ARPC2: variants seen among roughly 807,000 people sequenced by gnomAD.
ARPC2 encodes the protein actin-related protein 2/3 complex subunit 2.
Under a neutral mutation model 38.6 loss-of-function variants are expected in ARPC2, and 4 were observed. The ratio of observed to expected loss-of-function variants is 0.10; its 90% CI spans 0.05 to 0.24. ARPC2 has a LOEUF of 0.24. Ranked by LOEUF, ARPC2 falls within the 10% of genes least tolerant of loss-of-function variation. The pLI, the probability that ARPC2 is intolerant of heterozygous loss-of-function variation, is 1.00. For missense variants in ARPC2, 229 were observed against 387.3 expected (o/e 0.59, Z 3.43); for synonymous variants, 125 against 140.8 (o/e 0.89, Z 0.79).
At chr2:218,231,479 A>G (rs1025925385) in intron 4 of ARPC2, among the ~76,000 whole-genome samples, 3 of 152,208 alleles carry the variant, frequency 2.0e-5, no homozygotes, top group African/African-American at 4.8e-5. Flanking sequence ...CGAAATACCA[A>G]TAGTACGTGC....
intron 4 of ARPC2, among the ~76,000 whole-genome samples, chr2:218,232,420 T>A (rs1689656608): frequency 6.6e-6 from 1 of 152,170 alleles, no homozygotes; most frequent in Non-Finnish European, 1.5e-5. Context: ...AGAAAATATG[T>A]TATTTGACTC....
intron 3 of ARPC2, among the ~76,000 whole-genome samples, 198 bp downstream of exon 3, chr2:218,226,152 G>A (rs571066340): frequency 1.9e-3 from 291 of 152,186 alleles, no homozygotes; most frequent in African/African-American, 6.8e-3. Context: ...AATTAGCCGG[G>A]CATGGTGGTG....
At chr2:218,249,688 C>T (rs1416429109) in intron 9 of ARPC2, 133 bp from the exon 10 acceptor site, 8 of 896,142 alleles carry the variant, frequency 8.9e-6, no homozygotes, top group African/African-American at 6.8e-5. Context: ...CACCTTCCTG[C>T]TTCCCTGCAG....
intron 2 of ARPC2, among the ~76,000 whole-genome samples, chr2:218,223,781 A>G (rs576452440): frequency 3.3e-5 from 5 of 152,330 alleles, no homozygotes; most frequent in African/African-American, 1.2e-4. Flanking sequence ...AGCTGGTAGA[A>G]CAGTAAATAA....
At position 218,217,205 on chromosome 2, in the gene ARPC2, T is replaced by TGGCGGCGGCGGCGGC. The variant is rs894642575; in HGVS notation, c.-54_-40dup. 1 of 426,662 alleles carries TGGCGGCGGCGGCGGC rather than the reference T, an allele frequency of 2.3e-6. No homozygotes were observed. 26.4% of individuals were successfully genotyped at this position (426,662 alleles called of 1,614,324 possible). ...ACCGGGCTTGTCGGTGAAGCGGCAG[T>TGGCGGCGGCGGCGGC]GGCGGCGGCGGCGGCGGCTCGGCAG... is the stretch of plus-strand genomic sequence containing the variant. On this transcript the variant is annotated 5_prime_UTR_variant, in exon 1 of 11. Transcript: ENST00000315717.
intron 8 of ARPC2, among the ~76,000 whole-genome samples, chr2:218,247,951 T>G (rs112283660): frequency 4.3e-5 from 1 of 23,008 alleles, no homozygotes; most frequent in Non-Finnish European, 6.0e-4. Context: ...TCAAAAAAAA[T>G]TAAAAAAAAA....
At chr2:218,218,584 CTTCACATCTGGGTTTCACA>C (rs940698376) in intron 2 of ARPC2, among the ~76,000 whole-genome samples, 1 of 152,216 alleles carries the variant, frequency 6.6e-6, no homozygotes, top group Non-Finnish European at 1.5e-5. Context: ...GAGCATGGGG[CTTCACATCTGGGTTTCACA>C]GTTAATAAGT....
chr2:218,236,627 T>C (rs1689777120), intron 5 of ARPC2: 1 of 152,108 alleles, frequency 6.6e-6, no homozygotes, highest in Non-Finnish European at 1.5e-5. Flanking sequence ...ACCCCGTCTC[T>C]ACTAAAAGTA....
Position 218,245,467 on chromosome 2 carries a change from C to G in ARPC2, c.597C>G (p.Leu199=). 6.2e-7 allele frequency: 1 copy of G among 1,614,198 alleles called. No homozygotes were observed. Among genetic ancestry groups the G allele is most frequent in the Non-Finnish European group, 8.5e-7 (1 of 1,180,032 alleles). Residue 199 remains leucine (L), a synonymous_variant, in exon 8 of 11, where the codon CTC becomes CTG. Transcript: ENST00000315717. ...RRASHTAPQV[L]FSHREPPLEL... ...CCAGCCACACAGCCCCACAGGTCCT[C>G]TTTAGCCACAGGGAACCTCCTCTGG... is the stretch of plus-strand genomic sequence containing the variant.
At chr2:218,217,397 C>T in intron 1 of ARPC2, 66 bp from the exon 2 acceptor site, 1 of 1,510,252 alleles carries the variant, frequency 6.6e-7, no homozygotes, top group South Asian at 1.1e-5. Flanking sequence ...AGCAGGGCCG[C>T]TCCCTCCGTC....
In ARPC2 at chr2:218,223,855, C is replaced by T. The variant is rs1175122947; in HGVS notation, c.75-2065C>T. Among the ~76,000 whole-genome samples the T allele has an allele frequency of 9.8e-5, 15 of 152,314 alleles. No individual in the cohort carries two copies. The East Asian group carries it at 2.5e-3, about 25-fold the overall frequency. On this transcript the variant is annotated intron_variant, in intron 2 of 10. Coordinates refer to ENST00000315717, the MANE Select transcript of ARPC2 (RefSeq NM_152862.3). Reference sequence around the variant, plus strand: ...TTTTCCTGGGCCAGTCTTCCTCCCGCTCCTTTGTAATTTTAAACCACAGAA... The same window carrying T: ...TTTTCCTGGGCCAGTCTTCCTCCCGTTCCTTTGTAATTTTAAACCACAGAA...
intron 2 of ARPC2, among the ~76,000 whole-genome samples, chr2:218,219,469 C>T (rs1689336305): frequency 6.6e-6 from 1 of 152,052 alleles, no homozygotes. Context: ...CATGTCTCGG[C>T]TTCCCAAGTA....
intron 4 of ARPC2, among the ~76,000 whole-genome samples, chr2:218,230,487 G>A (rs1004230706): frequency 3.3e-5 from 5 of 151,478 alleles, no homozygotes; most frequent in Admixed American, 2.6e-4. Flanking sequence ...TTTAGAGAGA[G>A]GAGGTTTCAC....
chr2:218,230,949 CGATGG>C (rs1224107898), intron 4 of ARPC2, among the ~76,000 whole-genome samples: 2 of 152,174 alleles, frequency 1.3e-5, no homozygotes, highest in African/African-American at 4.8e-5. Flanking sequence ...GCTTTTCTTA[CGATGG>C]AGCTCCAGAA....
At chr2:218,219,866 G>T (rs939263910) in intron 2 of ARPC2, among the ~76,000 whole-genome samples, 1 of 152,008 alleles carries the variant, frequency 6.6e-6, no homozygotes, top group Non-Finnish European at 1.5e-5. Context: ...ATGATATTGT[G>T]CCTGGTAGGC....
chr2:218,249,273 G>A, intron 8 of ARPC2, 91 bp from the exon 9 acceptor site: 1 of 836,520 alleles, frequency 1.2e-6, no homozygotes, highest in Non-Finnish European at 2.0e-6. Context: ...CTTAAGCAGA[G>A]AGGGAGTGAT....
intron 5 of ARPC2, chr2:218,234,663 AGC>A (rs1689726650): frequency 1.9e-6 from 1 of 514,682 alleles, no homozygotes. Context: ...TTAATCTTTC[AGC>A]CAGAGGGCCA....
intron 8 of ARPC2, among the ~76,000 whole-genome samples, chr2:218,245,985 G>T (rs1034418027): frequency 1.3e-5 from 2 of 152,126 alleles, no homozygotes; most frequent in Non-Finnish European, 2.9e-5. Flanking sequence ...GGAGGTTAAG[G>T]CAGGTGGATC....
chr2:218,232,923 C>T (rs539821664), intron 4 of ARPC2: 2 of 151,626 alleles, frequency 1.3e-5, no homozygotes, highest in East Asian at 3.9e-4. Flanking sequence ...AAACCAACTT[C>T]CCCTATAACA....
Sources: allele counts gnomAD v4.1 joint callset (sites outside exome capture counted in the v4.1 genomes callset), GRCh38; gene constraint gnomAD v4.1.1; transcripts MANE v1.5; gene names NCBI Gene and HGNC (gene_info 2026-07-23, HGNC 2026-07-21).